The following SNTG1 variants were observed in gnomAD, a reference collection of about 807,000 sequenced individuals.
SNTG1 encodes the protein syntrophin gamma 1.
In SNTG1, 39 loss-of-function variants were observed where a neutral mutation model predicts 74.7. The ratio of observed to expected loss-of-function variants is 0.52; its 90% CI spans 0.40 to 0.68. SNTG1 has a LOEUF of 0.68. Among genes scored for constraint, SNTG1 ranks in the 30% least tolerant of loss-of-function variants. SNTG1 has a pLI of 0.00. For missense variants in SNTG1, 685 were observed against 609.5 expected, an observed-to-expected ratio of 1.12 and a Z score of -1.30; for synonymous variants, 254 against 217.1, an observed-to-expected ratio of 1.17 and a Z score of -1.49.
chr8:50,590,090 G>A (rs1223216087), intron 12 of SNTG1, among the ~76,000 whole-genome samples: 2 of 151,942 alleles, frequency 1.3e-5, no homozygotes, highest in African/African-American at 4.8e-5. Flanking sequence ...TAGGATAAAA[G>A]GGAACCAAAA....
chr8:49,931,774 C>T (rs1373067197), intron 1 of SNTG1, among the ~76,000 whole-genome samples: 3 of 151,990 alleles, frequency 2.0e-5, no homozygotes, highest in Non-Finnish European at 4.4e-5. Context: ...TGAGTGAATA[C>T]AACAAGATAC....
chr8:49,986,526 G>A (rs1171882052), intron 1 of SNTG1, among the ~76,000 whole-genome samples: 1 of 152,040 alleles, frequency 6.6e-6, no homozygotes, highest in Non-Finnish European at 1.5e-5. Context: ...ACTCAGTATA[G>A]CCCAGATTAA....
Position 50,255,263 on chromosome 8 carries a change from A to G in SNTG1, c.-28+82628A>G, listed in dbSNP as rs1000271422. 2.0e-4 allele frequency among the ~76,000 whole-genome samples: 31 copies of G among 152,254 alleles called. 1 individual carries two copies. Among genetic ancestry groups the G allele is most frequent in the African/African-American group, 7.2e-4 (30 of 41,554 alleles). ...TAAGCATTTGTCACATTTAGCCATG[A>G]TTGGTATTCTTAGCACTGAACTGGT... is the stretch of plus-strand genomic sequence containing the variant. On this transcript the variant is annotated intron_variant, in intron 2 of 18. Coordinates refer to ENST00000642720, the MANE Select transcript of SNTG1 (RefSeq NM_018967.5).
At chr8:50,499,818 T>C (rs2093935986) in intron 8 of SNTG1, among the ~76,000 whole-genome samples, 1 of 152,048 alleles carries the variant, frequency 6.6e-6, no homozygotes, top group Non-Finnish European at 1.5e-5. Context: ...CACCAGTTGA[T>C]CTTCTAATGT....
chr8:50,659,199 C>T (rs1256504826), intron 15 of SNTG1, among the ~76,000 whole-genome samples: 1 of 152,106 alleles, frequency 6.6e-6, no homozygotes, highest in African/African-American at 2.4e-5. Context: ...AATTTCATGC[C>T]ATATGCAGGA....
At chr8:50,661,619 G>A (rs113028486) in intron 15 of SNTG1, among the ~76,000 whole-genome samples, 4,880 of 152,152 alleles carry the variant, frequency 0.032, 256 homozygotes, top group African/African-American at 0.11. Context: ...GTACCATGGT[G>A]GTTTGCTGCA....
intron 8 of SNTG1, among the ~76,000 whole-genome samples, chr8:50,466,232 CACTT>C (rs1388656786): frequency 6.6e-6 from 1 of 151,860 alleles, no homozygotes; most frequent in African/African-American, 2.4e-5. Flanking sequence ...AAAGGGGTAA[CACTT>C]ATATTTAATT....
intron 4 of SNTG1, among the ~76,000 whole-genome samples, chr8:50,422,547 G>A (rs2093105411): frequency 6.6e-6 from 1 of 152,070 alleles, no homozygotes; most frequent in African/African-American, 2.4e-5. Context: ...ACTCCATGCA[G>A]GAGACAGAAT....
intron 1 of SNTG1, among the ~76,000 whole-genome samples, chr8:49,948,826 C>A (rs1053370464): frequency 6.6e-6 from 1 of 152,196 alleles, no homozygotes; most frequent in African/African-American, 2.4e-5. Context: ...TGGAAAGAAG[C>A]GGTTCTCCCC....
chr8:50,188,395 T>C (rs1053670681), intron 2 of SNTG1, among the ~76,000 whole-genome samples: 1 of 152,148 alleles, frequency 6.6e-6, no homozygotes, highest in African/African-American at 2.4e-5. Flanking sequence ...TCCTTTGCGA[T>C]TGTCTTCAGG....
chr8:50,509,188 C>T (rs2094040383), intron 9 of SNTG1, among the ~76,000 whole-genome samples: 1 of 152,152 alleles, frequency 6.6e-6, no homozygotes, highest in African/African-American at 2.4e-5. Flanking sequence ...ATCCTTTCCC[C>T]ATTGCTTGTT....
intron 1 of SNTG1, among the ~76,000 whole-genome samples, chr8:50,131,217 AT>A (rs1299568832): frequency 1.3e-4 from 20 of 152,148 alleles, no homozygotes; most frequent in African/African-American, 4.8e-4. Flanking sequence ...AGCAAATGCA[AT>A]CAGGAAAGCA....
At chr8:50,679,833 C>T (rs2095324083) in intron 15 of SNTG1, among the ~76,000 whole-genome samples, 1 of 152,054 alleles carries the variant, frequency 6.6e-6, no homozygotes, top group Non-Finnish European at 1.5e-5. Flanking sequence ...TTGAAGATTG[C>T]TTTTCTCTGG....
At chr8:50,308,419 C>G (rs1484190106) in intron 2 of SNTG1, among the ~76,000 whole-genome samples, 2 of 151,960 alleles carry the variant, frequency 1.3e-5, no homozygotes, top group African/African-American at 4.8e-5. Context: ...TCTTCTTGAC[C>G]AAGCAAGCAC....
intron 18 of SNTG1, among the ~76,000 whole-genome samples, chr8:50,782,111 G>A (rs964563774): frequency 6.6e-6 from 1 of 152,078 alleles, no homozygotes; most frequent in Admixed American, 6.6e-5. Context: ...TGGCTAACCC[G>A]ACCTTTCTCT....
intron 5 of SNTG1, among the ~76,000 whole-genome samples, chr8:50,448,536 C>G (rs1004823836): frequency 6.6e-6 from 1 of 152,138 alleles, no homozygotes; most frequent in African/African-American, 2.4e-5. Context: ...GGCTGTGTTA[C>G]AAGTTCTATG....
chr8:50,287,642 T>C (rs1469765750), intron 2 of SNTG1, among the ~76,000 whole-genome samples: 1 of 152,138 alleles, frequency 6.6e-6, no homozygotes, highest in East Asian at 1.9e-4. Context: ...CTCTTCCTCT[T>C]ATACCCAACC....
intron 1 of SNTG1, among the ~76,000 whole-genome samples, chr8:50,015,825 C>G (rs1173914020): frequency 6.6e-6 from 1 of 152,074 alleles, no homozygotes. Context: ...AAAACATTCT[C>G]TGCAAAAAAA....
chr8:50,785,942 GA>G (rs2095673712), intron 18 of SNTG1, among the ~76,000 whole-genome samples: 2 of 151,632 alleles, frequency 1.3e-5, no homozygotes, highest in South Asian at 4.2e-4. Context: ...TCAAAAATAA[GA>G]AAAAAATAAA....
Sources: allele counts gnomAD v4.1 joint callset (sites outside exome capture counted in the v4.1 genomes callset), GRCh38; gene constraint gnomAD v4.1.1; transcripts MANE v1.5; gene names NCBI Gene and HGNC (gene_info 2026-07-23, HGNC 2026-07-21).